Variants in IQCM observed in about 807,000 individuals in gnomAD.
IQCM encodes IQ motif containing M.
Under a neutral mutation model 57.6 loss-of-function variants are expected in IQCM, and 45 were observed. The ratio of observed to expected loss-of-function variants is 0.78; its 90% CI spans 0.62 to 1.00. IQCM has a LOEUF of 1.00. Among genes scored for constraint, IQCM ranks in the 50% least tolerant of loss-of-function variants. The pLI, the probability that IQCM is intolerant of heterozygous loss-of-function variation, is 0.00. For missense variants in IQCM, 468 were observed against 511.6 expected, an observed-to-expected ratio of 0.91 and a Z score of 0.82; for synonymous variants, 148 against 158.9, an observed-to-expected ratio of 0.93 and a Z score of 0.51.
chr4:149,710,966 G>A (rs552701779), intron 5 of IQCM: 2 of 152,212 alleles, frequency 1.3e-5, no homozygotes, highest in African/African-American at 2.4e-5. Context: ...CATCTGTGAG[G>A]ACCTGCTGAA....
chr4:149,614,159 G>T (rs1755571849), intron 8 of IQCM, among the ~76,000 whole-genome samples: 1 of 152,086 alleles, frequency 6.6e-6, no homozygotes. Context: ...GGGCTGCAAA[G>T]TCTAATGTCC....
chr4:149,478,608 T>A (rs559342724), intron 12 of IQCM, among the ~76,000 whole-genome samples: 3 of 152,220 alleles, frequency 2.0e-5, no homozygotes, highest in African/African-American at 7.2e-5. Flanking sequence ...TTATGCAGAT[T>A]TGGACTACCA....
intron 12 of IQCM, among the ~76,000 whole-genome samples, chr4:149,504,652 G>A (rs555807817): frequency 6.6e-6 from 1 of 152,246 alleles, no homozygotes; most frequent in African/African-American, 2.4e-5. Context: ...AGTGGTTCAC[G>A]TCTGCAATCC....
intron 12 of IQCM, among the ~76,000 whole-genome samples, chr4:149,458,315 A>G (rs1418919865): frequency 6.6e-6 from 1 of 152,102 alleles, no homozygotes; most frequent in Non-Finnish European, 1.5e-5. Flanking sequence ...TACTATGCTT[A>G]GTACTTTTGA....
chr4:149,463,228 G>A (rs1738494528), intron 12 of IQCM, among the ~76,000 whole-genome samples: 1 of 152,154 alleles, frequency 6.6e-6, no homozygotes, highest in African/African-American at 2.4e-5. Context: ...TGATCAAACA[G>A]AGCACTTTAA....
intron 2 of IQCM, among the ~76,000 whole-genome samples, chr4:149,796,829 T>A (rs1224804342): frequency 6.6e-6 from 1 of 152,192 alleles, no homozygotes; most frequent in African/African-American, 2.4e-5. Flanking sequence ...AGCACCTCTA[T>A]GATTTTGCAA....
intron 2 of IQCM, among the ~76,000 whole-genome samples, chr4:149,798,115 A>C (rs1773280767): frequency 3.3e-5 from 5 of 152,014 alleles, no homozygotes; most frequent in African/African-American, 9.7e-5. Flanking sequence ...ACCAATCAAA[A>C]ATAATAACTA....
At chr4:149,717,022 C>T (rs1413622731) in intron 5 of IQCM, among the ~76,000 whole-genome samples, 1 of 152,172 alleles carries the variant, frequency 6.6e-6, no homozygotes, top group Non-Finnish European at 1.5e-5. Context: ...CAGGACCCAT[C>T]CAGACCTCAC....
intron 12 of IQCM, among the ~76,000 whole-genome samples, chr4:149,519,548 A>G (rs948509964): frequency 6.6e-6 from 1 of 151,786 alleles, no homozygotes; most frequent in African/African-American, 2.4e-5. Context: ...GGTGAATGGC[A>G]TGAACCCAGG....
chr4:149,697,577 G>A (rs1365956260), intron 5 of IQCM, among the ~76,000 whole-genome samples: 1 of 151,982 alleles, frequency 6.6e-6, no homozygotes, highest in Non-Finnish European at 1.5e-5. Context: ...AAATTTACCA[G>A]CACACCATTG....
intron 12 of IQCM, among the ~76,000 whole-genome samples, chr4:149,497,222 G>A (rs1742748339): frequency 6.6e-6 from 1 of 152,048 alleles, no homozygotes; most frequent in South Asian, 2.1e-4. Context: ...AGGAGGAGGA[G>A]CCTCAGGGAA....
intron 2 of IQCM, among the ~76,000 whole-genome samples, chr4:149,778,242 C>G (rs1257705149): frequency 6.6e-6 from 1 of 151,844 alleles, no homozygotes; most frequent in African/African-American, 2.4e-5. Context: ...CAGGCGTGGT[C>G]GCAGGCGCCT....
chr4:149,708,341 A>G (rs1764310814), intron 5 of IQCM, among the ~76,000 whole-genome samples: 1 of 152,016 alleles, frequency 6.6e-6, no homozygotes, highest in Non-Finnish European at 1.5e-5. Context: ...AACAAAGCTG[A>G]AAAGACTGTA....
intron 13 of IQCM, among the ~76,000 whole-genome samples, chr4:149,364,216 T>A (rs1729683368): frequency 6.6e-6 from 1 of 152,022 alleles, no homozygotes; most frequent in Non-Finnish European, 1.5e-5. Flanking sequence ...AAAAGAGAAA[T>A]CTCAACGATA....
chr4:149,688,427 A>C (rs150466723), intron 5 of IQCM, among the ~76,000 whole-genome samples: 23,218 of 151,904 alleles, frequency 0.15, 2,202 homozygotes, highest in South Asian at 0.34. Flanking sequence ...AGGAAAACTA[A>C]AAAACACTGC....
chr4:149,649,033 A>G (rs886937502), intron 7 of IQCM, among the ~76,000 whole-genome samples: 2 of 152,156 alleles, frequency 1.3e-5, no homozygotes, highest in Admixed American at 1.3e-4. Context: ...CTTAAACTAC[A>G]TTATAACTTG....
intron 8 of IQCM, among the ~76,000 whole-genome samples, chr4:149,600,999 C>A (rs1382277283): frequency 6.6e-6 from 1 of 152,060 alleles, no homozygotes; most frequent in Non-Finnish European, 1.5e-5. Flanking sequence ...CATTCCTACC[C>A]CACACAATGA....
rs558925787 is a variant in IQCM at position 149,352,023 on chromosome 4, A to G, written c.1434T>C (p.Val478=). 1 of 398,940 alleles carries G rather than the reference A, an allele frequency of 2.5e-6. No individual in the cohort carries two copies. Among genetic ancestry groups the G allele is most frequent in the Admixed American group, 4.4e-5 (1 of 22,710 alleles). 24.7% of individuals were successfully genotyped at this position (398,940 alleles called of 1,614,324 possible). A position where few individuals can be genotyped will look rare whatever the true frequency, so the allele number is the denominator to read the frequency against. The change falls in exon 14 of 14, where the codon GTT becomes GTC. Residue 478 remains valine (V), a synonymous_variant. Transcript: ENST00000636793. ...PALKRANIRV[V]GKLVARSIRE... is the part of the protein sequence containing the mutation. ...TTATGGATCGGGCCACCAACTTTCC[A>G]ACAACCCGGATGTTAGCTCGTTTGA... is the stretch of plus-strand genomic sequence containing the variant.
intron 12 of IQCM, among the ~76,000 whole-genome samples, chr4:149,482,468 T>C (rs2149755600): frequency 6.6e-6 from 1 of 152,044 alleles, no homozygotes; most frequent in East Asian, 1.9e-4. Context: ...TACCCAATTA[T>C]TGGAGGTTTT....
Sources: gnomAD v4.1 joint callset for allele counts (sites outside exome capture counted in the v4.1 genomes callset) on GRCh38, gnomAD v4.1.1 for gene constraint, MANE v1.5 for transcripts, NCBI Gene and HGNC (gene_info 2026-07-23, HGNC 2026-07-21) for gene names.